The following PRKAR1B variants were observed in gnomAD, a reference collection of about 807,000 sequenced individuals.
The protein encoded by PRKAR1B is protein kinase cAMP-dependent type I regulatory subunit beta.
PRKAR1B carries 22 observed loss-of-function variants against 46.5 expected under a neutral mutation model. The observed-to-expected ratio is 0.47, with a 90% CI of 0.34 to 0.68. The LOEUF (loss-of-function observed/expected upper bound fraction) is 0.68, where lower values mean the gene tolerates loss of function less well. Among genes scored for constraint, PRKAR1B ranks in the 30% least tolerant of loss-of-function variants. The pLI, the probability that PRKAR1B is intolerant of heterozygous loss-of-function variation, is 0.01. For synonymous variants in PRKAR1B, 259 were observed against 217.7 expected (o/e 1.19, Z -1.67); for missense variants, 445 against 535.6 (o/e 0.83, Z 1.67).
chr7:709,512 A>C (rs1780511655), intron 2 of PRKAR1B, among the ~76,000 whole-genome samples: 2 of 151,690 alleles, frequency 1.3e-5, no homozygotes, highest in Admixed American at 1.3e-4. Flanking sequence ...CTGGGACTAC[A>C]GGCGCCTGCC....
intron 4 of PRKAR1B, among the ~76,000 whole-genome samples, chr7:659,400 C>T (rs1785381065): frequency 6.6e-6 from 1 of 152,140 alleles, no homozygotes; most frequent in Non-Finnish European, 1.5e-5. Flanking sequence ...GGAGCACTTC[C>T]AACTGCCACA....
Position 560,912 on chromosome 7 carries a change from C to A in PRKAR1B, c.892-9442G>T, listed in dbSNP as rs1778744645. Among the ~76,000 whole-genome samples the A allele has an allele frequency of 6.6e-6, 1 of 152,194 alleles. No individual in the cohort carries two copies. Among genetic ancestry groups the A allele is most frequent in the South Asian group, 2.1e-4 (1 of 4,828 alleles). ...CTCCCTCCAGTGAGACTCCTCAGAG[C>A]CTGGAAAATTCAGGCTCACTCCAGT... On this transcript the variant is annotated intron_variant, in intron 9 of 10. Transcript: ENST00000537384. This position sits in a 1 kb window ranked among gnomAD's most constrained non-coding sequence, Gnocchi z 4.2.
chr7:645,270 G>A (rs1784568668), intron 4 of PRKAR1B, among the ~76,000 whole-genome samples: 1 of 152,212 alleles, frequency 6.6e-6, no homozygotes, highest in Non-Finnish European at 1.5e-5. Flanking sequence ...GAGGGATCCA[G>A]GTACAGGCGA....
intron 4 of PRKAR1B, among the ~76,000 whole-genome samples, chr7:664,782 T>C (rs905287930): frequency 3.3e-5 from 5 of 149,664 alleles, no homozygotes; most frequent in African/African-American, 1.2e-4. Flanking sequence ...GGTGTGGTGG[T>C]GCACGCCTGT....
chr7:579,409 G>A (rs574521469), intron 8 of PRKAR1B, 32 bp from the exon 9 acceptor site: 76 of 1,609,116 alleles, frequency 4.7e-5, no homozygotes, highest in African/African-American at 8.0e-5. Flanking sequence ...AGGTCATCCC[G>A]GGGCCCACGC....
intron 1 of PRKAR1B, among the ~76,000 whole-genome samples, chr7:713,902 C>T (rs951397213): frequency 6.6e-6 from 1 of 152,224 alleles, no homozygotes; most frequent in African/African-American, 2.4e-5. Flanking sequence ...ACCCACTGGC[C>T]CCAGCCCCGT....
intron 9 of PRKAR1B, among the ~76,000 whole-genome samples, chr7:556,696 T>G (rs1266680776): frequency 6.6e-6 from 1 of 152,174 alleles, no homozygotes; most frequent in Non-Finnish European, 1.5e-5. Context: ...TTGGTGCCTG[T>G]GGATCGGGAA....
chr7:680,860 C>G, intron 2 of PRKAR1B, 134 bp from the exon 3 acceptor site: 2 of 1,023,916 alleles, frequency 2.0e-6, no homozygotes, highest in Non-Finnish European at 2.8e-6. Context: ...GTTGGACATA[C>G]GGTTAGGCTT....
At chr7:660,077 T>C (rs1785425031) in intron 4 of PRKAR1B, among the ~76,000 whole-genome samples, 1 of 151,886 alleles carries the variant, frequency 6.6e-6, no homozygotes, top group Non-Finnish European at 1.5e-5. Flanking sequence ...CCTTGGGCTC[T>C]CCATCCCCTA....
intron 1 of PRKAR1B, among the ~76,000 whole-genome samples, chr7:715,476 C>A (rs79682022): frequency 0.058 from 8,862 of 152,106 alleles, 436 homozygotes; most frequent in South Asian, 0.18. Flanking sequence ...AGCAGCTATG[C>A]CCTCAACTGA....
At chr7:615,169 T>G (rs1185944659) in intron 4 of PRKAR1B, among the ~76,000 whole-genome samples, 1 of 152,114 alleles carries the variant, frequency 6.6e-6, no homozygotes, top group Non-Finnish European at 1.5e-5. Flanking sequence ...CTCACACTTG[T>G]AATCCCAGCA....
rs536738568 is a variant in PRKAR1B at position 569,271 on chromosome 7, C to T, written c.891+9985G>A. 5.3e-5 allele frequency among the ~76,000 whole-genome samples: 8 copies of T among 152,352 alleles called. No homozygotes were observed. In the East Asian group the frequency reaches 7.7e-4, roughly 15 times the overall value. On this transcript the variant is annotated intron_variant, in intron 9 of 10. Transcript: ENST00000537384. ...TGAGCTGACCAAGGCCTCAGCCTCA[C>T]ACCTGGCCCTCTATCCACGCAGAGA...
intron 9 of PRKAR1B, among the ~76,000 whole-genome samples, chr7:559,640 T>C (rs1015642356): frequency 2.0e-5 from 3 of 152,074 alleles, no homozygotes; most frequent in Non-Finnish European, 2.9e-5. Context: ...TCTCTTCCTA[T>C]GCGGGACGCC....
chr7:611,769 A>AATGGATGGATAG (rs1782506777), intron 4 of PRKAR1B, among the ~76,000 whole-genome samples: 1 of 149,954 alleles, frequency 6.7e-6, no homozygotes, highest in African/African-American at 2.5e-5. Context: ...TAGACGAATG[A>AATGGATGGATAG]ATGGATGGAT....
At chr7:725,380 T>C (rs1781222334) in intron 1 of PRKAR1B, among the ~76,000 whole-genome samples, 1 of 152,214 alleles carries the variant, frequency 6.6e-6, no homozygotes, top group Non-Finnish European at 1.5e-5. Flanking sequence ...CTAACCAGAC[T>C]TGGGGACTCC....
chr7:726,392 C>T (rs1781280320), intron 1 of PRKAR1B, among the ~76,000 whole-genome samples: 1 of 152,176 alleles, frequency 6.6e-6, no homozygotes, highest in African/African-American at 2.4e-5. Flanking sequence ...GGTTCCTTCT[C>T]CAAGCCCCCT....
chr7:615,918 GA>G (rs987074376), intron 4 of PRKAR1B, among the ~76,000 whole-genome samples: 8 of 144,354 alleles, frequency 5.5e-5, no homozygotes, highest in South Asian at 2.2e-4. Flanking sequence ...GAGAAAGAGA[GA>G]AAAAAAGGAA....
chr7:680,447 C>T (rs1025768151), intron 3 of PRKAR1B, 109 bp downstream of exon 3: 49 of 1,148,714 alleles, frequency 4.3e-5, no homozygotes, highest in Non-Finnish European at 5.8e-5. Context: ...CAGGATGACA[C>T]TGAGACCCCC....
At chr7:584,032 G>C (rs1562538224) in intron 8 of PRKAR1B, among the ~76,000 whole-genome samples, 1 of 152,208 alleles carries the variant, frequency 6.6e-6, no homozygotes, top group South Asian at 2.1e-4. Flanking sequence ...ATCCTTCCCG[G>C]AACTGAGAGC....
Sources: gnomAD v4.1 joint callset for allele counts (sites outside exome capture counted in the v4.1 genomes callset) on GRCh38, gnomAD v4.1.1 for gene constraint, Gnocchi (gnomAD v3.1) non-coding constraint, MANE v1.5 for transcripts, NCBI Gene and HGNC (gene_info 2026-07-23, HGNC 2026-07-21) for gene names.